Variants in TFAP2D observed in about 807,000 individuals in gnomAD.
TFAP2D encodes the protein transcription factor AP-2 delta.
A neutral mutation model predicts 43.6 loss-of-function variants in TFAP2D; 9 were observed. The ratio of observed to expected loss-of-function variants is 0.21; its 90% CI spans 0.12 to 0.36. The LOEUF (loss-of-function observed/expected upper bound fraction) is 0.36. TFAP2D is among the 10% of genes least tolerant of loss of function. The pLI, the probability that TFAP2D is intolerant of heterozygous loss-of-function variation, is 1.00. For missense variants in TFAP2D, 513 were observed against 561.4 expected (o/e 0.91, Z 0.87); for synonymous variants, 256 against 224.9 (o/e 1.14, Z -1.24).
chr6:50,742,664 T>A (rs1393648174), intron 5 of TFAP2D, among the ~76,000 whole-genome samples: 1 of 152,098 alleles, frequency 6.6e-6, no homozygotes, highest in Non-Finnish European at 1.5e-5. Context: ...AAATGTTATT[T>A]AAATATCTGT....
At chr6:50,766,716 C>T (rs1443963354) in intron 7 of TFAP2D, among the ~76,000 whole-genome samples, 4 of 121,054 alleles carry the variant, frequency 3.3e-5, no homozygotes, top group African/African-American at 1.2e-4. Context: ...GGCCGGACTG[C>T]GGACTGCAGT....
chr6:50,746,941 G>A (rs1283793580), intron 6 of TFAP2D, among the ~76,000 whole-genome samples: 7 of 152,092 alleles, frequency 4.6e-5, no homozygotes, highest in Admixed American at 3.9e-4. Flanking sequence ...TAGAGAAAAA[G>A]CAAAACAAGA....
chr6:50,762,890 A>G (rs1769382911), intron 7 of TFAP2D, among the ~76,000 whole-genome samples: 1 of 152,038 alleles, frequency 6.6e-6, no homozygotes, highest in South Asian at 2.1e-4. Context: ...GAGAAAATGA[A>G]TGAGAATATA....
At chr6:50,725,691 A>G (rs1180893144) in intron 3 of TFAP2D, among the ~76,000 whole-genome samples, 1 of 152,182 alleles carries the variant, frequency 6.6e-6, no homozygotes, top group African/African-American at 2.4e-5. Flanking sequence ...CATCATTACC[A>G]TCTGTAGTCT....
chr6:50,757,248 T>A (rs757677194), intron 7 of TFAP2D, among the ~76,000 whole-genome samples: 5 of 147,184 alleles, frequency 3.4e-5, no homozygotes, highest in Admixed American at 2.1e-4. Flanking sequence ...AATAATTATA[T>A]ATATAATTAT....
chr6:50,769,891 CTT>C (rs763624879), intron 7 of TFAP2D, among the ~76,000 whole-genome samples: 38 of 152,124 alleles, frequency 2.5e-4, no homozygotes, highest in African/African-American at 9.2e-4. Flanking sequence ...AGATAAAAAA[CTT>C]AGAACAGGAC....
chr6:50,715,010 C>T (rs529301214), intron 1 of TFAP2D, 106 bp from the exon 2 acceptor site: 25 of 1,454,236 alleles, frequency 1.7e-5, no homozygotes, highest in South Asian at 1.3e-5. Flanking sequence ...GCTCGCTTTC[C>T]TTGGAGTGCC....
chr6:50,737,888 T>C (rs1768985385), intron 5 of TFAP2D, among the ~76,000 whole-genome samples: 1 of 152,182 alleles, frequency 6.6e-6, no homozygotes, highest in Non-Finnish European at 1.5e-5. Flanking sequence ...CTTATATAAA[T>C]AGTTCCACAG....
chr6:50,765,118 C>T lies in TFAP2D; in HGVS notation c.1140-7527C>T, dbSNP rs556061716. Among the ~76,000 whole-genome samples the T allele has an allele frequency of 6.6e-5, 10 of 152,264 alleles. No homozygotes were observed. In the South Asian group the frequency reaches 2.1e-3, roughly 32 times the overall value. ...CACTTCTTAGCCTCTGACAACCACC[C>T]TCTACTCTGTTTTTATGGTTTGGCT... On this transcript the variant is annotated intron_variant, in intron 7 of 7. Transcript: ENST00000008391.
At chr6:50,728,440 C>T (rs1419412746) in intron 3 of TFAP2D, among the ~76,000 whole-genome samples, 1 of 152,168 alleles carries the variant, frequency 6.6e-6, no homozygotes, top group African/African-American at 2.4e-5. Flanking sequence ...AAAACATTTC[C>T]ATCCATTGTG....
At chr6:50,721,168 C>CA (rs1768717113) in intron 3 of TFAP2D, among the ~76,000 whole-genome samples, 3 of 152,182 alleles carry the variant, frequency 2.0e-5, no homozygotes, top group Non-Finnish European at 4.4e-5. Flanking sequence ...AGAATTCGGT[C>CA]CCTATTCGTT....
chr6:50,745,338 C>G, intron 6 of TFAP2D, 90 bp downstream of exon 6: 1 of 1,546,032 alleles, frequency 6.5e-7, no homozygotes, highest in Non-Finnish European at 8.8e-7. Context: ...CTAGAAGGCA[C>G]CCGTTCTCTA....
Position 50,772,660 on chromosome 6 carries a change from C to T in TFAP2D, c.1155C>T (p.Gly385=). ...HLTHFSLITH[G]FGTPAICAAL... Reference sequence around the variant, plus strand: ...TCATTTCCAGTTTGATCACTCATGGCTTTGGGACTCCGGCAATATGTGCAG... The same window carrying T: ...TCATTTCCAGTTTGATCACTCATGGTTTTGGGACTCCGGCAATATGTGCAG... The change falls in exon 8 of 8, where the codon GGC becomes GGT. Residue 385 remains glycine, a synonymous_variant. Coordinates refer to ENST00000008391, the MANE Select transcript of TFAP2D (RefSeq NM_172238.4). 1 of 1,614,018 alleles carries T rather than the reference C, an allele frequency of 6.2e-7. No homozygotes were observed.
intron 5 of TFAP2D, among the ~76,000 whole-genome samples, chr6:50,737,092 T>G (rs1332780976): frequency 1.3e-5 from 2 of 152,126 alleles, no homozygotes; most frequent in African/African-American, 4.8e-5. Flanking sequence ...GGGGTCTTCC[T>G]GCCTCAGCCT....
chr6:50,733,965 T>C (rs1768928240), intron 5 of TFAP2D, among the ~76,000 whole-genome samples: 1 of 150,884 alleles, frequency 6.6e-6, no homozygotes, highest in African/African-American at 2.5e-5. Context: ...AAATTCTCTC[T>C]CTCTGTCTCT....
chr6:50,761,151 A>G (rs1325164140), intron 7 of TFAP2D, among the ~76,000 whole-genome samples: 1 of 151,700 alleles, frequency 6.6e-6, no homozygotes, highest in East Asian at 1.9e-4. Flanking sequence ...AGTGATAGTA[A>G]ACACCCATTG....
At chr6:50,726,376 C>T (rs1188307420) in intron 3 of TFAP2D, among the ~76,000 whole-genome samples, 3 of 152,210 alleles carry the variant, frequency 2.0e-5, no homozygotes, top group Non-Finnish European at 4.4e-5. Context: ...GAAAATAATT[C>T]ATACATATAC....
At chr6:50,734,223 T>C (rs1768932798) in intron 5 of TFAP2D, among the ~76,000 whole-genome samples, 1 of 152,028 alleles carries the variant, frequency 6.6e-6, no homozygotes. Context: ...TTTGTGCCAC[T>C]TGCAAAATCT....
Position 50,728,979 on chromosome 6 carries a change from C to T in TFAP2D, c.722C>T (p.Pro241Leu). ...GAGGTAAAGAGGCGCCTCTCCCCAC[C>T]TGAGTGCCTCAATGCTTCACTCTTG... ...IAEVKRRLSP[P>L]ECLNASLLGG... The change falls in exon 4 of 8, where the codon CCT becomes CTT. Residue 241 changes from proline to leucine, a missense_variant. Physicochemically the swap from Pro to Leu is moderately conservative, Grantham distance 98. Around this residue, in one of 3 missense-constraint regions of TFAP2D, gnomAD observed 311 missense variants for 316.2 expected, o/e 0.98. Transcript: ENST00000008391. 1 of 1,614,034 alleles carries T rather than the reference C, an allele frequency of 6.2e-7. No homozygotes were observed. The highest frequency in any genetic ancestry group is 8.5e-7 in the Non-Finnish European group (1 of 1,179,936).
Sources: allele counts gnomAD v4.1 joint callset (sites outside exome capture counted in the v4.1 genomes callset), GRCh38; gene constraint gnomAD v4.1.1; regional missense constraint gnomAD v4.1.1; transcripts MANE v1.5; gene names NCBI Gene and HGNC (gene_info 2026-07-23, HGNC 2026-07-21).